Variants in DPF3 observed in about 807,000 individuals in gnomAD.
DPF3 encodes double PHD fingers 3, also known as zinc finger protein DPF3.
Under a neutral mutation model 56.8 loss-of-function variants are expected in DPF3, and 18 were observed. The ratio of observed to expected loss-of-function variants is 0.32; its 90% CI spans 0.22 to 0.47. DPF3 has a LOEUF of 0.47. DPF3 is among the 20% of genes least tolerant of loss of function. The pLI is 1.00. For synonymous variants in DPF3, 188 were observed against 180.2 expected (o/e 1.04, Z -0.35); for missense variants, 403 against 488.8 (o/e 0.82, Z 1.65).
intron 1 of DPF3, among the ~76,000 whole-genome samples, chr14:72,834,013 C>T (rs567182435): frequency 6.6e-6 from 1 of 151,950 alleles, no homozygotes; most frequent in Non-Finnish European, 1.5e-5. Context: ...GAAACTCCTT[C>T]TCTACTAAAA....
intron 8 of DPF3, among the ~76,000 whole-genome samples, chr14:72,668,902 T>C (rs1886547577): frequency 6.6e-6 from 1 of 152,212 alleles, no homozygotes; most frequent in Non-Finnish European, 1.5e-5. Context: ...AAGTGTACAT[T>C]GTATCCCCGT....
At chr14:72,738,629 G>C (rs1430184603) in intron 3 of DPF3, among the ~76,000 whole-genome samples, 1 of 152,186 alleles carries the variant, frequency 6.6e-6, no homozygotes, top group Non-Finnish European at 1.5e-5. Context: ...CCAAAGGCAA[G>C]GTCGGGGAAT....
At chr14:72,666,891 A>G (rs1886465630) in intron 8 of DPF3, among the ~76,000 whole-genome samples, 1 of 152,216 alleles carries the variant, frequency 6.6e-6, no homozygotes, top group Non-Finnish European at 1.5e-5. Context: ...AATTTTAAGT[A>G]CACGTTCAAG....
chr14:72,629,186 T>G (rs1329097246), intron 9 of DPF3, among the ~76,000 whole-genome samples: 1 of 152,176 alleles, frequency 6.6e-6, no homozygotes, highest in East Asian at 1.9e-4. Context: ...TAGTTACAGG[T>G]AAAAATGATA....
intron 6 of DPF3, among the ~76,000 whole-genome samples, chr14:72,696,518 G>A (rs565507263): frequency 3.1e-4 from 47 of 152,192 alleles, no homozygotes; most frequent in African/African-American, 9.2e-4. Context: ...TACATACTAC[G>A]CCTTCAAAAC....
intron 9 of DPF3, among the ~76,000 whole-genome samples, chr14:72,627,736 C>T (rs921121443): frequency 1.2e-4 from 18 of 152,068 alleles, no homozygotes; most frequent in Non-Finnish European, 5.9e-5. Flanking sequence ...TAAATTAACT[C>T]AGGAAGAACT....
intron 2 of DPF3, among the ~76,000 whole-genome samples, chr14:72,767,480 G>T (rs1014407358): frequency 3.3e-5 from 5 of 152,004 alleles, no homozygotes; most frequent in African/African-American, 1.2e-4. Context: ...GAAAAAAATT[G>T]TAACAAAAAA....
intron 1 of DPF3, among the ~76,000 whole-genome samples, chr14:72,793,016 A>G (rs1176691600): frequency 6.6e-6 from 1 of 152,154 alleles, no homozygotes; most frequent in Non-Finnish European, 1.5e-5. Context: ...TCTCACTCCA[A>G]TCAAAATCAT....
At chr14:72,714,809 G>A (rs546063000) in intron 5 of DPF3, among the ~76,000 whole-genome samples, 18 of 151,362 alleles carry the variant, frequency 1.2e-4, no homozygotes, top group Middle Eastern at 3.4e-3. Flanking sequence ...AAGGTCGTTC[G>A]GCTACTCAGG....
At chr14:72,757,083 A>G (rs1394300078) in intron 2 of DPF3, among the ~76,000 whole-genome samples, 1 of 112,016 alleles carries the variant, frequency 8.9e-6, no homozygotes, top group African/African-American at 3.5e-5. Context: ...GGAAGGAAGG[A>G]AGGAAGGGAG....
At chr14:72,648,982 G>A (rs1033624853) in intron 8 of DPF3, among the ~76,000 whole-genome samples, 14 of 151,822 alleles carry the variant, frequency 9.2e-5, no homozygotes, top group African/African-American at 3.4e-4. Flanking sequence ...CCACACACTC[G>A]CCTAGCTCTC....
chr14:72,786,060 G>A (rs1352942078), intron 1 of DPF3, among the ~76,000 whole-genome samples: 14 of 152,216 alleles, frequency 9.2e-5, no homozygotes, highest in African/African-American at 2.9e-4. Flanking sequence ...TCAGGAGTTC[G>A]AGACTAGCCT....
intron 4 of DPF3, among the ~76,000 whole-genome samples, chr14:72,725,147 C>T (rs1455827165): frequency 6.6e-6 from 1 of 152,144 alleles, no homozygotes; most frequent in African/African-American, 2.4e-5. Context: ...GTGCTGACTA[C>T]GTGGCAGGCT....
At chr14:72,647,350 G>A (rs1365833812) in intron 8 of DPF3, among the ~76,000 whole-genome samples, 3 of 152,152 alleles carry the variant, frequency 2.0e-5, no homozygotes, top group East Asian at 1.9e-4. Context: ...ATTGTTGCAT[G>A]CAAAGGACAT....
rs1040592615 is a variant in DPF3, at chr14:72,612,315, C to T, written c.*6982G>A. 3.9e-5 allele frequency among the ~76,000 whole-genome samples: 6 copies of T among 152,070 alleles called. 2 individuals carry two copies. The South Asian group carries it at 8.3e-4, about 21-fold the overall frequency. On this transcript the variant is annotated 3_prime_UTR_variant, in exon 11 of 11. Coordinates refer to ENST00000556509, the MANE Select transcript of DPF3 (RefSeq NM_001280542.3). ...ACCAGACGCATTGGTGAGCCAGGGACGCCCTGCCTACCTACCCCGCCTCTC... is the reference window on the plus strand; with the variant it reads ...ACCAGACGCATTGGTGAGCCAGGGATGCCCTGCCTACCTACCCCGCCTCTC...
At chr14:72,720,311 A>C (rs946556782) in intron 5 of DPF3, among the ~76,000 whole-genome samples, 23 of 151,840 alleles carry the variant, frequency 1.5e-4, no homozygotes, top group African/African-American at 4.4e-4. Context: ...TGAGCAACAG[A>C]GTGAGGCCCC....
At chr14:72,676,607 G>T (rs1451974404) in intron 7 of DPF3, among the ~76,000 whole-genome samples, 1 of 152,182 alleles carries the variant, frequency 6.6e-6, no homozygotes, top group Non-Finnish European at 1.5e-5. Context: ...GAATCATGGG[G>T]GCAGGTTTTT....
At chr14:72,830,820 A>C (rs1884021512) in intron 1 of DPF3, among the ~76,000 whole-genome samples, 1 of 152,128 alleles carries the variant, frequency 6.6e-6, no homozygotes. Context: ...TGTCACCCCG[A>C]TCTCACTAGT....
At chr14:72,676,320 A>T (rs1169590339) in intron 7 of DPF3, among the ~76,000 whole-genome samples, 3 of 152,166 alleles carry the variant, frequency 2.0e-5, no homozygotes, top group African/African-American at 7.2e-5. Flanking sequence ...CAGGGGGCCT[A>T]GTCTCCTCAG....
Sources: allele counts gnomAD v4.1 joint callset (sites outside exome capture counted in the v4.1 genomes callset), GRCh38; gene constraint gnomAD v4.1.1; transcripts MANE v1.5; gene names NCBI Gene and HGNC (gene_info 2026-07-23, HGNC 2026-07-21).